Variants in CAMK2A observed in about 807,000 individuals in gnomAD.
CAMK2A encodes calcium/calmodulin-dependent protein kinase type II subunit alpha.
In CAMK2A, 7 loss-of-function variants were observed where a neutral mutation model predicts 79.2. The observed-to-expected ratio is 0.09, with a 90% CI of 0.05 to 0.17. The LOEUF is 0.17. CAMK2A is among the 10% of genes least tolerant of loss of function. CAMK2A has a pLI of 1.00. For synonymous variants in CAMK2A, 242 were observed against 251.7 expected, an observed-to-expected ratio of 0.96 and a Z score of 0.36; for missense variants, 214 against 646.4, an observed-to-expected ratio of 0.33 and a Z score of 7.25.
At chr5:150,280,611 C>A (rs528108524) in intron 1 of CAMK2A, among the ~76,000 whole-genome samples, 2 of 152,150 alleles carry the variant, frequency 1.3e-5, no homozygotes, top group South Asian at 2.1e-4. Flanking sequence ...GAAATGCCTG[C>A]GCCAGGTTCG....
chr5:150,280,470 T>C (rs1008518048), intron 1 of CAMK2A, among the ~76,000 whole-genome samples: 2 of 151,768 alleles, frequency 1.3e-5, no homozygotes, highest in African/African-American at 4.8e-5. Context: ...GCCTGGGCTG[T>C]TTCCTTCCTC....
chr5:150,241,403 C>G (rs557454425), intron 13 of CAMK2A, among the ~76,000 whole-genome samples: 1 of 144,330 alleles, frequency 6.9e-6, no homozygotes. Flanking sequence ...CCTCCTTCCT[C>G]TTTTCTTCCT....
chr5:150,264,071 T>C (rs988622473), intron 3 of CAMK2A, among the ~76,000 whole-genome samples: 1 of 151,594 alleles, frequency 6.6e-6, no homozygotes, highest in Non-Finnish European at 1.5e-5. Context: ...GTTGGAAGAG[T>C]CCTTAGCGAT....
intron 1 of CAMK2A, among the ~76,000 whole-genome samples, chr5:150,285,848 C>A (rs1346213335): frequency 6.6e-6 from 1 of 152,194 alleles, no homozygotes; most frequent in Non-Finnish European, 1.5e-5. Flanking sequence ...GGCTGCAGGG[C>A]AACTTTCTAC....
chr5:150,226,292 G>A (rs1754595253), intron 17 of CAMK2A, among the ~76,000 whole-genome samples: 1 of 152,112 alleles, frequency 6.6e-6, no homozygotes, highest in Non-Finnish European at 1.5e-5. Context: ...TCTGCCACCG[G>A]CTTCCTGGGT....
At chr5:150,253,012 G>C (rs1010435440) in intron 7 of CAMK2A, among the ~76,000 whole-genome samples, 3 of 152,136 alleles carry the variant, frequency 2.0e-5, no homozygotes, top group Non-Finnish European at 4.4e-5. Context: ...GTTAAGTCCT[G>C]GTCTATCCCT....
At chr5:150,278,953 A>C (rs1385228051) in intron 1 of CAMK2A, among the ~76,000 whole-genome samples, 1 of 152,156 alleles carries the variant, frequency 6.6e-6, no homozygotes, top group African/African-American at 2.4e-5. Flanking sequence ...ACAGACAGGC[A>C]GACACCGGAG....
chr5:150,232,313 T>C (rs1045486277), intron 15 of CAMK2A, among the ~76,000 whole-genome samples: 12 of 152,232 alleles, frequency 7.9e-5, no homozygotes, highest in Non-Finnish European at 1.5e-5. Context: ...TGATGTGATG[T>C]ACACAAAGCA....
chr5:150,251,000 AG>A (rs1257087090), intron 9 of CAMK2A, among the ~76,000 whole-genome samples, 190 bp from the exon 10 acceptor site: 1 of 152,204 alleles, frequency 6.6e-6, no homozygotes, highest in Non-Finnish European at 1.5e-5. Context: ...AACACGGCAG[AG>A]GGAAAGGAGG....
chr5:150,242,798 C>T (rs764665366), intron 13 of CAMK2A, among the ~76,000 whole-genome samples: 6 of 152,194 alleles, frequency 3.9e-5, no homozygotes, highest in Non-Finnish European at 7.3e-5. Flanking sequence ...ACACTCCTTC[C>T]GGGAGCAAGA....
chr5:150,262,742 C>T (rs1375364104), intron 3 of CAMK2A, among the ~76,000 whole-genome samples: 1 of 152,154 alleles, frequency 6.6e-6, no homozygotes, highest in African/African-American at 2.4e-5. Flanking sequence ...TTTACCCTCC[C>T]AACAGTCCTA....
chr5:150,225,535 T>C (rs1319133299), intron 17 of CAMK2A, among the ~76,000 whole-genome samples: 1 of 152,170 alleles, frequency 6.6e-6, no homozygotes, highest in East Asian at 1.9e-4. Flanking sequence ...TCTCTGTGAT[T>C]ATTTCAATTT....
intron 1 of CAMK2A, among the ~76,000 whole-genome samples, chr5:150,274,703 C>T (rs1756880620): frequency 6.6e-6 from 1 of 152,208 alleles, no homozygotes; most frequent in African/African-American, 2.4e-5. Flanking sequence ...CTTTGAGCTC[C>T]AGTATAGTTC....
At chr5:150,230,102 G>A (rs891751391) in intron 16 of CAMK2A, among the ~76,000 whole-genome samples, 4 of 152,058 alleles carry the variant, frequency 2.6e-5, no homozygotes, top group African/African-American at 9.7e-5. Context: ...GGTGGATCAT[G>A]AGGCCAGGAG....
chr5:150,234,081 G>C (rs1250075321), intron 15 of CAMK2A, among the ~76,000 whole-genome samples: 2 of 152,212 alleles, frequency 1.3e-5, no homozygotes, highest in Non-Finnish European at 2.9e-5. Context: ...AAAGTGCTGG[G>C]ATTACAGGTG....
chr5:150,229,300 T>C (rs1754740584), intron 16 of CAMK2A, among the ~76,000 whole-genome samples: 1 of 152,238 alleles, frequency 6.6e-6, no homozygotes, highest in African/African-American at 2.4e-5. Flanking sequence ...GCTGGGGGAC[T>C]GTGCTCAGAC....
upstream of CAMK2A, chr5:150,289,814 G>T (rs543751902): frequency 4.7e-5 from 26 of 552,982 alleles, no homozygotes; most frequent in Non-Finnish European, 8.0e-5. Context: ...GCGAGCCTTC[G>T]TCAGCATCCA....
At chr5:150,253,347 C>G (rs1288680004) in intron 7 of CAMK2A, 97 bp downstream of exon 7, 1 of 989,112 alleles carries the variant, frequency 1.0e-6, no homozygotes, top group African/African-American at 1.6e-5. Context: ...AACAGCATCT[C>G]CAGCCATACC....
At chr5:150,228,105 G>A (rs899562609) in intron 17 of CAMK2A, 87 bp downstream of exon 17, 6 of 1,168,152 alleles carry the variant, frequency 5.1e-6, no homozygotes, top group Non-Finnish European at 7.4e-6. Flanking sequence ...CCGCCCCTGG[G>A]GCCCTGCCCG....
Sources: allele counts gnomAD v4.1 joint callset (sites outside exome capture counted in the v4.1 genomes callset), GRCh38; gene constraint gnomAD v4.1.1; transcripts MANE v1.5; gene names NCBI Gene and HGNC (gene_info 2026-07-23, HGNC 2026-07-21).